PIBF1: variants seen among roughly 807,000 people sequenced by gnomAD.
PIBF1 encodes progesterone immunomodulatory binding factor 1.
Under a neutral mutation model 112.5 loss-of-function variants are expected in PIBF1, and 90 were observed. The ratio of observed to expected loss-of-function variants is 0.80; its 90% CI spans 0.67 to 0.95. The LOEUF is 0.95. Ranked by LOEUF, PIBF1 falls within the 40% of genes least tolerant of loss-of-function variation. The pLI is 0.00. For synonymous variants in PIBF1, 301 were observed against 288.6 expected (o/e 1.04, Z -0.44); for missense variants, 915 against 852.3 (o/e 1.07, Z -0.92).
At position 72,964,819 on chromosome 13, in the gene PIBF1, T is replaced by C. The variant is rs553399249; in HGVS notation, c.1834-455T>C. On this transcript the variant is annotated intron_variant, in intron 14 of 17. Coordinates refer to ENST00000326291, the MANE Select transcript of PIBF1 (RefSeq NM_006346.4). The stretch of plus-strand genomic sequence containing the variant: ...GGCTCACACCCGTAGTCCCCGCACT[T>C]TGGGAGGCTGAGGTGGGCGATCACC... 3.3e-5 allele frequency among the ~76,000 whole-genome samples: 5 copies of C among 152,296 alleles called. No individual in the cohort carries two copies. The South Asian group carries it at 1.0e-3, about 32-fold the overall frequency.
intron 5 of PIBF1, among the ~76,000 whole-genome samples, chr13:72,819,820 A>C (rs2036462383): frequency 2.0e-5 from 3 of 152,134 alleles, no homozygotes; most frequent in African/African-American, 7.2e-5. Flanking sequence ...TCTTAGTACC[A>C]ATCAGTAGTG....
chr13:72,827,708 A>C lies in PIBF1; in HGVS notation c.916-25A>C, dbSNP rs1238780843. The C allele has an allele frequency of 2.9e-6, 4 of 1,358,558 alleles. No individual in the cohort carries two copies. The African/African-American group carries it at 4.4e-5, about 15-fold the overall frequency. 84.2% of individuals were successfully genotyped at this position (1,358,558 alleles called of 1,614,324 possible). On this transcript the variant is annotated intron_variant, in intron 7 of 17. Coordinates refer to ENST00000326291, the MANE Select transcript of PIBF1 (RefSeq NM_006346.4). Reference sequence around the variant, plus strand: ...AAAGTAAGATGGCATCACTGTGGATACTTTTTGTTTCTACATGTATGTAGG... The same window carrying C: ...AAAGTAAGATGGCATCACTGTGGATCCTTTTTGTTTCTACATGTATGTAGG...
chr13:72,923,904 C>T (rs1425914896), intron 13 of PIBF1, among the ~76,000 whole-genome samples: 1 of 152,208 alleles, frequency 6.6e-6, no homozygotes, highest in Non-Finnish European at 1.5e-5. Context: ...GCAGAGGTTG[C>T]AGTCAGCCCA....
At chr13:72,836,229 A>G (rs904886207) in intron 9 of PIBF1, 7 of 359,354 alleles carry the variant, frequency 1.9e-5, no homozygotes, top group African/African-American at 1.5e-4. Context: ...TCAATGGCAG[A>G]TATTTTTATA....
chr13:72,871,984 A>G (rs909434067), intron 10 of PIBF1, among the ~76,000 whole-genome samples: 2 of 152,166 alleles, frequency 1.3e-5, no homozygotes, highest in Non-Finnish European at 2.9e-5. Context: ...CTCTTACAAT[A>G]GAGGCAATAT....
chr13:72,925,122 T>G (rs577095771), intron 13 of PIBF1, among the ~76,000 whole-genome samples: 1 of 152,070 alleles, frequency 6.6e-6, no homozygotes, highest in Admixed American at 6.6e-5. Context: ...AATTTAGAGA[T>G]AGAGTAAAAC....
chr13:72,990,123 A>G (rs1594327524), intron 16 of PIBF1, among the ~76,000 whole-genome samples: 1 of 149,678 alleles, frequency 6.7e-6, no homozygotes, highest in African/African-American at 2.5e-5. Flanking sequence ...CTGAGGCAGG[A>G]GAATCATTTG....
intron 5 of PIBF1, among the ~76,000 whole-genome samples, chr13:72,817,799 A>G (rs988776095): frequency 1.3e-5 from 2 of 152,170 alleles, no homozygotes; most frequent in African/African-American, 4.8e-5. Context: ...CAATGGTTCT[A>G]CATAGTCATG....
chr13:73,000,379 G>A (rs1235539676), intron 17 of PIBF1, among the ~76,000 whole-genome samples: 1 of 152,098 alleles, frequency 6.6e-6, no homozygotes, highest in African/African-American at 2.4e-5. Flanking sequence ...GCTAATTCTT[G>A]TTGGGTGATA....
intron 8 of PIBF1, among the ~76,000 whole-genome samples, chr13:72,833,372 C>T (rs1283403972): frequency 1.3e-5 from 2 of 152,318 alleles, no homozygotes; most frequent in South Asian, 2.1e-4. Flanking sequence ...AACTTTCAGC[C>T]TTTTTGCACT....
chr13:72,952,516 G>A (rs981073862), intron 14 of PIBF1, among the ~76,000 whole-genome samples: 6 of 151,330 alleles, frequency 4.0e-5, no homozygotes, highest in African/African-American at 1.5e-4. Flanking sequence ...TTTTGGGGGT[G>A]TTATATAATC....
Position 72,993,375 on chromosome 13 carries a change from G to A in PIBF1, c.2050-5447G>A, listed in dbSNP as rs979025202. Among the ~76,000 whole-genome samples the A allele has an allele frequency of 4.5e-4, 69 of 152,030 alleles. 1 individual carries two copies. The highest frequency in any genetic ancestry group is 1.5e-3 in the African/African-American group (62 of 41,472). ...AAATTGTGATATTTTGAAGAATTGC[G>A]AAAGTCAAAATCATGAAGTAAATAA... On this transcript the variant is annotated intron_variant, in intron 16 of 17. Transcript: ENST00000326291.
intron 9 of PIBF1, among the ~76,000 whole-genome samples, chr13:72,853,231 C>G (rs1398033431): frequency 6.6e-6 from 1 of 151,970 alleles, no homozygotes; most frequent in Non-Finnish European, 1.5e-5. Flanking sequence ...TTAACTGACA[C>G]TAAATGTATT....
intron 15 of PIBF1, among the ~76,000 whole-genome samples, chr13:72,970,152 A>G (rs1324895099): frequency 2.0e-5 from 3 of 152,202 alleles, no homozygotes; most frequent in Non-Finnish European, 1.5e-5. Flanking sequence ...AACTATTTAT[A>G]CAATATATTC....
At chr13:72,800,650 G>A (rs1459978881) in intron 5 of PIBF1, among the ~76,000 whole-genome samples, 1 of 152,056 alleles carries the variant, frequency 6.6e-6, no homozygotes, top group Non-Finnish European at 1.5e-5. Context: ...ACTATATACG[G>A]CATGCATTAT....
At chr13:72,903,581 C>G (rs1455306338) in intron 11 of PIBF1, among the ~76,000 whole-genome samples, 2 of 152,120 alleles carry the variant, frequency 1.3e-5, no homozygotes, top group African/African-American at 4.8e-5. Context: ...CACTGAGGAA[C>G]CAAGCTTCTT....
chr13:72,820,716 T>G (rs927225668), intron 5 of PIBF1, among the ~76,000 whole-genome samples: 2 of 152,142 alleles, frequency 1.3e-5, no homozygotes, highest in Non-Finnish European at 2.9e-5. Flanking sequence ...GAACATGACC[T>G]CATTTAGCTG....
chr13:72,833,241 A>G (rs2037203351), intron 8 of PIBF1, among the ~76,000 whole-genome samples: 1 of 152,062 alleles, frequency 6.6e-6, no homozygotes, highest in African/African-American at 2.4e-5. Context: ...GGAGTTTGTT[A>G]TTACCCACCT....
At chr13:72,979,938 A>C (rs1398065604) in intron 16 of PIBF1, among the ~76,000 whole-genome samples, 1 of 152,122 alleles carries the variant, frequency 6.6e-6, no homozygotes, top group East Asian at 1.9e-4. Flanking sequence ...AAAAGAAAAA[A>C]GAAAATTAAG....
Sources: gnomAD v4.1 joint callset for allele counts (sites outside exome capture counted in the v4.1 genomes callset) on GRCh38, gnomAD v4.1.1 for gene constraint, MANE v1.5 for transcripts, NCBI Gene and HGNC (gene_info 2026-07-23, HGNC 2026-07-21) for gene names.